Variants in LLGL1 observed in about 807,000 individuals in gnomAD.
The protein encoded by LLGL1 is lethal(2) giant larvae protein homolog 1.
Under a neutral mutation model 110.6 loss-of-function variants are expected in LLGL1, and 58 were observed. That is an observed-to-expected ratio of 0.52 (90% confidence interval 0.42 to 0.65). The LOEUF (loss-of-function observed/expected upper bound fraction) is 0.65. Among genes scored for constraint, LLGL1 ranks in the 30% least tolerant of loss-of-function variants. The pLI, the probability that LLGL1 is intolerant of heterozygous loss-of-function variation, is 0.00. For missense variants in LLGL1, 1,229 were observed against 1,462.1 expected (o/e 0.84, Z 2.60); for synonymous variants, 674 against 607.2 (o/e 1.11, Z -1.62).
At chr17:18,229,112 T>G (rs1429559082) in intron 1 of LLGL1, among the ~76,000 whole-genome samples, 1 of 152,004 alleles carries the variant, frequency 6.6e-6, no homozygotes, top group Non-Finnish European at 1.5e-5. Context: ...CCTGCACTGG[T>G]GTTCAGGATG....
In LLGL1 at chr17:18,234,717, G is replaced by A. The variant is rs369872200; in HGVS notation, c.905+14G>A. ...CTGTGAATCTGGGTAGGTCGAGGGA[G>A]TGGGTGTCCGATGTGAGTTGGGTCT... On this transcript the variant is annotated intron_variant, in intron 8 of 22. Transcript: ENST00000316843. The A allele has an allele frequency of 1.2e-6, 2 of 1,614,136 alleles. No homozygotes were observed. The highest frequency in any genetic ancestry group is 1.3e-5 in the African/African-American group (1 of 75,022).
chr17:18,234,152 G>A lies in LLGL1; in HGVS notation c.691G>A (p.Asp231Asn), dbSNP rs779466517. ...VIWNQASQCV[D>N]HIFLGNQQLE... is the part of the protein sequence containing the mutation. ...CTGGAACCAGGCCTCGCAGTGTGTG[G>A]ACCACATCTTCCTGGGGAACCAGGT... Residue 231 changes from aspartate (D) to asparagine (N), a missense_variant, in exon 6 of 23, where the codon GAC becomes AAC. Physicochemically the swap from Asp to Asn is conservative, Grantham distance 23. Coordinates refer to ENST00000316843, the MANE Select transcript of LLGL1 (RefSeq NM_004140.4). 1.4e-5 allele frequency: 22 copies of A among 1,607,192 alleles called. No homozygotes were observed. In the Admixed American group the frequency reaches 3.7e-4, roughly 27 times the overall value.
chr17:18,242,145 A>C (rs368483960), intron 19 of LLGL1, 21 bp from the exon 20 acceptor site: 1 of 1,598,914 alleles, frequency 6.3e-7, no homozygotes, highest in Non-Finnish European at 8.6e-7. Flanking sequence ...TATGGTCCCC[A>C]TCATGGCCCC....
At chr17:18,241,404 G>A in intron 17 of LLGL1, 47 bp from the exon 18 acceptor site, 1 of 1,576,036 alleles carries the variant, frequency 6.3e-7, no homozygotes, top group Non-Finnish European at 8.6e-7. Flanking sequence ...GGGCCCTGGG[G>A]ACGAGGACAG....
Position 18,242,209 on chromosome 17 carries a change from A to T in LLGL1, c.2926A>T (p.Thr976Ser). ...ESPKLSQANG[T>S]PSILLAPQSL... ...ACCCAAGCTGAGCCAGGCTAACGGG[A>T]CCCCAAGCATCCTGCTGGCCCCACA... The change falls in exon 20 of 23, where the codon ACC (threonine) becomes TCC (serine). Residue 976 changes from threonine (T) to serine (S), a missense_variant. Transcript: ENST00000316843. The T allele has an allele frequency of 6.2e-7, 1 of 1,613,842 alleles. No individual in the cohort carries two copies. The highest frequency in any genetic ancestry group is 2.2e-5 in the East Asian group (1 of 44,856).
intron 16 of LLGL1, among the ~76,000 whole-genome samples, chr17:18,238,893 C>T (rs1256202920): frequency 6.6e-6 from 1 of 152,152 alleles, no homozygotes; most frequent in East Asian, 1.9e-4. Flanking sequence ...CGCCTGTAAT[C>T]CCAGCTACTT....
chr17:18,234,315 G>A lies in LLGL1; in HGVS notation c.757G>A (p.Val253Ile). The change falls in exon 7 of 23, where the codon GTC becomes ATC. Residue 253 changes from valine (V) to isoleucine (I), a missense_variant. Val to Ile is a conservative substitution (Grantham distance 29). Transcript: ENST00000316843. The stretch of plus-strand genomic sequence containing the variant: ...CTGGGGGCGTGATAGCAGCACTGTG[G>A]TCAGCTCACACAGCGATGGCAGCTA... ...LCWGRDSSTVVSSHSDGSYAV... is the reference protein window; with the variant it reads ...LCWGRDSSTVISSHSDGSYAV... 6.2e-7 allele frequency: 1 copy of A among 1,611,048 alleles called. No individual in the cohort carries two copies. Among genetic ancestry groups the A allele is most frequent in the South Asian group, 1.1e-5 (1 of 90,566 alleles).
At chr17:18,231,306 C>G (rs113842500) in intron 2 of LLGL1, among the ~76,000 whole-genome samples, 1 of 152,212 alleles carries the variant, frequency 6.6e-6, no homozygotes, top group African/African-American at 2.4e-5. Context: ...CCTTGACGAC[C>G]CTGGTTCCCG....
Position 18,242,642 on chromosome 17 carries a change from G to A in LLGL1, c.3116+14G>A. The A allele has an allele frequency of 1.3e-6, 2 of 1,599,136 alleles. No individual in the cohort carries two copies. The highest frequency in any genetic ancestry group is 1.7e-6 in the Non-Finnish European group (2 of 1,172,616). On this transcript the variant is annotated intron_variant, in intron 21 of 22. Coordinates refer to ENST00000316843, the MANE Select transcript of LLGL1 (RefSeq NM_004140.4). ...GGATTTCCTGGGGTGAGGCTGGTGG[G>A]CAGGTCCACAGGGGGGGCTGCCCTG...
intron 22 of LLGL1, 95 bp downstream of exon 22, chr17:18,242,917 A>T: frequency 8.3e-7 from 1 of 1,208,618 alleles, no homozygotes; most frequent in Non-Finnish European, 1.1e-6. Context: ...TCTACCTGAG[A>T]CCCTGGCAGG....
rs778889132 is a variant in LLGL1 at position 18,236,596 on chromosome 17, C to T, written c.1353-11C>T. 25 of 1,603,876 alleles carry T rather than the reference C, an allele frequency of 1.6e-5. No individual in the cohort carries two copies. Among genetic ancestry groups the T allele is most frequent in the South Asian group, 3.3e-5 (3 of 90,520 alleles). On this transcript the variant is annotated splice_polypyrimidine_tract_variant and intron_variant, in intron 11 of 22. Transcript: ENST00000316843. ...GAACTCGGGTAGCCCTGACATCTGC[C>T]CTCCCTGCAGCCATGAGGACGGCAC...
At position 18,232,702 on chromosome 17, in the gene LLGL1, A is replaced by G. The variant is rs761438520; in HGVS notation, c.292A>G (p.Ser98Gly). The change falls in exon 4 of 23, where the codon AGT becomes GGT. Residue 98 changes from serine to glycine, a missense_variant. Physicochemically the swap from Ser to Gly is moderately conservative, Grantham distance 56. Coordinates refer to ENST00000316843, the MANE Select transcript of LLGL1 (RefSeq NM_004140.4). The stretch of plus-strand genomic sequence containing the variant: ...CCTCCTGTCCCTGCTTGATGACAGC[A>G]GTCTGCATCTCTGGGAGATTGTCCA... ...GRLLSLLDDS[S>G]LHLWEIVHHN... The G allele has an allele frequency of 4.3e-6, 7 of 1,614,060 alleles. No individual in the cohort carries two copies. In the Admixed American group the frequency reaches 1.2e-4, roughly 27 times the overall value.
chr17:18,230,102 T>G, intron 2 of LLGL1, 64 bp downstream of exon 2: 1 of 1,285,600 alleles, frequency 7.8e-7, no homozygotes, highest in Non-Finnish European at 1.1e-6. Context: ...TTCCCTGTGC[T>G]CTGGGGTCCC....
At position 18,234,327 on chromosome 17, in the gene LLGL1, A is replaced by T. The variant is rs776813488; in HGVS notation, c.769A>T (p.Ser257Cys). Reference protein sequence around the residue: ...RDSSTVVSSHSDGSYAVWSVD... With the variant: ...RDSSTVVSSHCDGSYAVWSVD... ...TAGCAGCACTGTGGTCAGCTCACAC[A>T]GCGATGGCAGCTATGCTGTCTGGTC... The change falls in exon 7 of 23, where the codon AGC becomes TGC. Residue 257 changes from serine to cysteine, a missense_variant. By Grantham distance (112) the Ser-to-Cys change is moderately radical (BLOSUM62 -1). Transcript: ENST00000316843. 6.2e-7 allele frequency: 1 copy of T among 1,612,040 alleles called. No individual in the cohort carries two copies. The highest frequency in any genetic ancestry group is 1.7e-5 in the Admixed American group (1 of 59,830).
At chr17:18,237,286 C>T in intron 13 of LLGL1, 195 bp from the exon 14 acceptor site, 1 of 624,048 alleles carries the variant, frequency 1.6e-6, no homozygotes, top group Non-Finnish European at 2.8e-6. Flanking sequence ...TTGGTCACCA[C>T]TGTGTTCCTT....
At position 18,235,225 on chromosome 17, in the gene LLGL1, C is replaced by G. The variant is rs377176089; in HGVS notation, c.1197C>G (p.Ala399=). 1.9e-6 allele frequency: 3 copies of G among 1,610,946 alleles called. No individual in the cohort carries two copies. The highest frequency in any genetic ancestry group is 2.7e-5 in the African/African-American group (2 of 75,068). The change falls in exon 10 of 23, where the codon GCC becomes GCG. Residue 399 remains alanine (A), a synonymous_variant. Coordinates refer to ENST00000316843, the MANE Select transcript of LLGL1 (RefSeq NM_004140.4). ...PLHSSAITCS[A]HVASVPAKLW... ...ACTCCTCTGCAATCACTTGCTCGGC[C>G]CACGTGGCCAGTGTCCCCGCCAAGC...
rs762772892 is a variant in LLGL1, at chr17:18,225,642, G to GGGCGGC, written c.-32_-27dup. 2.1e-6 allele frequency: 2 copies of GGGCGGC among 937,832 alleles called. No individual in the cohort carries two copies. Among genetic ancestry groups the GGGCGGC allele is most frequent in the Non-Finnish European group, 2.5e-6 (2 of 788,272 alleles). The allele number at this position is 937,832 out of a possible 1,614,324, so 58.1% of individuals were successfully genotyped here. A position where few individuals can be genotyped will look rare whatever the true frequency, so the allele number is the denominator to read the frequency against. ...CGCGGGGCCGCGCGGCGCATCCTGC[G>GGGCGGC]GGCGGCGGCGGCGGGCGAGGCGCCT... On this transcript the variant is annotated 5_prime_UTR_variant, in exon 1 of 23. Transcript: ENST00000316843.
chr17:18,236,396 G>T, intron 11 of LLGL1: 1 of 564,090 alleles, frequency 1.8e-6, no homozygotes, highest in South Asian at 2.4e-5. Flanking sequence ...GGCTCCAGGT[G>T]CATATGGTGC....
intron 1 of LLGL1, among the ~76,000 whole-genome samples, chr17:18,229,107 A>G (rs1280041257): frequency 6.6e-6 from 1 of 152,176 alleles, no homozygotes; most frequent in East Asian, 1.9e-4. Flanking sequence ...GGTGTCCTGC[A>G]CTGGTGTTCA....
Sources: gnomAD v4.1 joint callset for allele counts (sites outside exome capture counted in the v4.1 genomes callset) on GRCh38, gnomAD v4.1.1 for gene constraint, MANE v1.5 for transcripts, NCBI Gene and HGNC (gene_info 2026-07-23, HGNC 2026-07-21) for gene names.